The following NETO2 variants were observed in gnomAD, a reference collection of about 807,000 sequenced individuals.
NETO2 encodes the protein neuropilin and tolloid like 2.
A neutral mutation model predicts 62.5 loss-of-function variants in NETO2; 28 were observed. The observed-to-expected ratio is 0.45, with a 90% CI of 0.33 to 0.61. The LOEUF (loss-of-function observed/expected upper bound fraction) is 0.61. Ranked by LOEUF, NETO2 falls within the 20% of genes least tolerant of loss-of-function variation. NETO2 has a pLI of 0.02. For missense variants in NETO2, 548 were observed against 643.2 expected (o/e 0.85, Z 1.60); for synonymous variants, 214 against 219.1 (o/e 0.98, Z 0.21).
intron 6 of NETO2, among the ~76,000 whole-genome samples, chr16:47,121,218 G>T (rs1964032935): frequency 6.6e-6 from 1 of 152,064 alleles, no homozygotes; most frequent in South Asian, 2.1e-4. Flanking sequence ...AAATTCTTGG[G>T]GATCTAAGGA....
chr16:47,085,826 C>G (rs1422623967), intron 8 of NETO2, among the ~76,000 whole-genome samples: 1 of 151,806 alleles, frequency 6.6e-6, no homozygotes, highest in Non-Finnish European at 1.5e-5. Flanking sequence ...CTATGCTAGG[C>G]TGGGCGCGGT....
intron 1 of NETO2, among the ~76,000 whole-genome samples, chr16:47,137,794 G>A (rs1964388776): frequency 6.6e-6 from 1 of 152,080 alleles, no homozygotes; most frequent in South Asian, 2.1e-4. Context: ...ACACTTCTAT[G>A]TTAGCATTAG....
chr16:47,096,980 C>T (rs149697296), intron 7 of NETO2, among the ~76,000 whole-genome samples: 48 of 152,248 alleles, frequency 3.2e-4, no homozygotes, highest in African/African-American at 1.1e-3. Flanking sequence ...GAGGGAACGG[C>T]GCATTCTGGC....
chr16:47,141,914 T>C (rs1233597522), intron 1 of NETO2, among the ~76,000 whole-genome samples: 1 of 152,182 alleles, frequency 6.6e-6, no homozygotes, highest in Non-Finnish European at 1.5e-5. Context: ...TGCAAATCCC[T>C]TCACCATTGG....
At chr16:47,095,253 C>T (rs889027930) in intron 7 of NETO2, among the ~76,000 whole-genome samples, 1 of 149,412 alleles carries the variant, frequency 6.7e-6, no homozygotes, top group Non-Finnish European at 1.5e-5. Flanking sequence ...CTTGTCACTA[C>T]AAAAAAAAAT....
chr16:47,092,208 C>T (rs761537514), intron 7 of NETO2, among the ~76,000 whole-genome samples: 41 of 152,030 alleles, frequency 2.7e-4, no homozygotes, highest in Non-Finnish European at 4.9e-4. Context: ...ATGGAAAGGA[C>T]GCGATATGTG....
At chr16:47,085,692 C>T (rs1356948838) in intron 8 of NETO2, among the ~76,000 whole-genome samples, 1 of 152,130 alleles carries the variant, frequency 6.6e-6, no homozygotes, top group Non-Finnish European at 1.5e-5. Flanking sequence ...CCACAATACA[C>T]TTTAGAACAA....
chr16:47,089,951 C>T (rs545602473), intron 7 of NETO2, among the ~76,000 whole-genome samples: 8 of 152,140 alleles, frequency 5.3e-5, no homozygotes, highest in African/African-American at 1.7e-4. Flanking sequence ...AATTCTACTA[C>T]CTATTTTATC....
rs527570202 is a variant in NETO2, at chr16:47,121,598, G to C, written c.654+1059C>G. The stretch of plus-strand genomic sequence containing the variant: ...TTCTTTGTCATCAGCATGTGGTAGT[G>C]AAACATTTTTTCTAATCTATGCTTT... On this transcript the variant is annotated intron_variant, in intron 6 of 8. Coordinates refer to ENST00000562435, the MANE Select transcript of NETO2 (RefSeq NM_018092.5). Among the ~76,000 whole-genome samples the C allele has an allele frequency of 8.5e-5, 13 of 152,336 alleles. No homozygotes were observed. The South Asian group carries it at 2.7e-3, about 32-fold the overall frequency.
At chr16:47,095,114 C>G (rs1963403056) in intron 7 of NETO2, among the ~76,000 whole-genome samples, 1 of 152,124 alleles carries the variant, frequency 6.6e-6, no homozygotes, top group South Asian at 2.1e-4. Context: ...GAAAAACTTC[C>G]CACATGCTTA....
chr16:47,138,355 G>A (rs1255829881), intron 1 of NETO2, among the ~76,000 whole-genome samples: 1 of 152,164 alleles, frequency 6.6e-6, no homozygotes, highest in Non-Finnish European at 1.5e-5. Context: ...CGCCAAGATC[G>A]TGCCACTGCA....
At chr16:47,137,549 G>C (rs1964382730) in intron 1 of NETO2, among the ~76,000 whole-genome samples, 1 of 152,142 alleles carries the variant, frequency 6.6e-6, no homozygotes, top group Admixed American at 6.5e-5. Context: ...TGAGGTGAAG[G>C]CTCTACTATC....
chr16:47,142,956 G>C (rs1047137019), intron 1 of NETO2, among the ~76,000 whole-genome samples: 3 of 151,844 alleles, frequency 2.0e-5, no homozygotes. Context: ...CCGAGCAGCA[G>C]CGCTCCCCGG....
At chr16:47,091,774 A>G (rs1321163176) in intron 7 of NETO2, among the ~76,000 whole-genome samples, 1 of 152,180 alleles carries the variant, frequency 6.6e-6, no homozygotes, top group Non-Finnish European at 1.5e-5. Flanking sequence ...CCAGACTCTG[A>G]TAAGAACCTT....
At chr16:47,141,128 G>A (rs1180104796) in intron 1 of NETO2, among the ~76,000 whole-genome samples, 1 of 152,170 alleles carries the variant, frequency 6.6e-6, no homozygotes, top group Non-Finnish European at 1.5e-5. Flanking sequence ...AGTAAAACAA[G>A]AATAATCAGT....
At chr16:47,126,598 C>T (rs924467153) in intron 4 of NETO2, among the ~76,000 whole-genome samples, 1 of 152,080 alleles carries the variant, frequency 6.6e-6, no homozygotes. Flanking sequence ...CACCCTACTG[C>T]GAGTGAACCC....
Position 47,083,610 on chromosome 16 carries a change from G to A in NETO2, c.1189C>T (p.His397Tyr). 1 of 1,614,202 alleles carries A rather than the reference G, an allele frequency of 6.2e-7. No homozygotes were observed. Among genetic ancestry groups the A allele is most frequent in the Non-Finnish European group, 8.5e-7 (1 of 1,180,024 alleles). The change falls in exon 9 of 9, where the codon CAT becomes TAT. Residue 397 changes from histidine to tyrosine, a missense_variant. Transcript: ENST00000562435. The stretch of plus-strand genomic sequence containing the variant: ...TCCCTTAGTGAAAACAGTTCATAAT[G>A]AGGAGGATCAAACACTTCTTGGAAC... ...TGFQEVFDPP[H>Y]YELFSLRDKE...
intron 6 of NETO2, among the ~76,000 whole-genome samples, chr16:47,110,805 C>T (rs1397569707): frequency 6.7e-6 from 1 of 149,306 alleles, no homozygotes; most frequent in African/African-American, 2.4e-5. Flanking sequence ...GTCATATATT[C>T]CCCCCCCACC....
intron 4 of NETO2, among the ~76,000 whole-genome samples, chr16:47,124,926 G>C (rs1304190178): frequency 2.0e-5 from 3 of 152,118 alleles, no homozygotes; most frequent in Non-Finnish European, 4.4e-5. Context: ...ATTATACTTT[G>C]TCTATATTTT....
Sources: gnomAD v4.1 joint callset for allele counts (sites outside exome capture counted in the v4.1 genomes callset) on GRCh38, gnomAD v4.1.1 for gene constraint, MANE v1.5 for transcripts, NCBI Gene and HGNC (gene_info 2026-07-23, HGNC 2026-07-21) for gene names.